BCAS3: variants seen among roughly 807,000 people sequenced by gnomAD.
The protein encoded by BCAS3 is BCAS4/BCAS3 fusion.
Under a neutral mutation model 116.1 loss-of-function variants are expected in BCAS3, and 53 were observed. That is an observed-to-expected ratio of 0.46 (90% CI 0.37 to 0.57). The LOEUF (loss-of-function observed/expected upper bound fraction) is 0.57. Among genes scored for constraint, BCAS3 ranks in the 20% least tolerant of loss-of-function variants. The probability of loss-of-function intolerance (pLI) is 0.00; values close to 1 mark genes in which losing one functional copy is unlikely to be tolerated. For synonymous variants in BCAS3, 391 were observed against 408.2 expected, an observed-to-expected ratio of 0.96 and a Z score of 0.51; for missense variants, 917 against 1,165.4, an observed-to-expected ratio of 0.79 and a Z score of 3.10.
chr17:61,338,901 A>G (rs1188248857), intron 22 of BCAS3, among the ~76,000 whole-genome samples: 6 of 121,910 alleles, frequency 4.9e-5, no homozygotes, highest in African/African-American at 2.1e-4. Flanking sequence ...AAAAAAAAAA[A>G]AAAAAAAAAA....
rs1334554373 is a variant in BCAS3, at chr17:61,040,900, G to A, written c.2029+8G>A. 1.2e-6 allele frequency: 2 copies of A among 1,609,056 alleles called. No individual in the cohort carries two copies. The highest frequency in any genetic ancestry group is 1.7e-6 in the Non-Finnish European group (2 of 1,176,522). Reference sequence around the variant, plus strand: ...AGTTCCTGCTTGCTGGCCGTAAGTAGTTCAGATTTTTTTTTTCCTTTCGTA... The same window carrying A: ...AGTTCCTGCTTGCTGGCCGTAAGTAATTCAGATTTTTTTTTTCCTTTCGTA... On this transcript the variant is annotated splice_region_variant and intron_variant, in intron 19 of 23. Transcript: ENST00000407086.
chr17:60,770,834 G>GGTTTTTTTTTTTTTTTTTTTTTTTTTTTT (rs1568213393), intron 6 of BCAS3, among the ~76,000 whole-genome samples: 1 of 76,728 alleles, frequency 1.3e-5, no homozygotes, highest in Non-Finnish European at 3.3e-5. Context: ...ACTGAAATTT[G>GGTTTTTTTTTTTTTTTTTTTTTTTTTTTT]TTTTTTTTTT....
Position 61,281,819 on chromosome 17 carries a change from A to G in BCAS3, c.2426-86508A>G, listed in dbSNP as rs1246000631. Reference sequence around the variant, plus strand: ...TTTATCAATAATTTCTGGGGTTTGTATCATATTAAGTATAGCTTTCTCATT... The same window carrying G: ...TTTATCAATAATTTCTGGGGTTTGTGTCATATTAAGTATAGCTTTCTCATT... On this transcript the variant is annotated intron_variant, in intron 22 of 23. Coordinates refer to ENST00000407086, the MANE Select transcript of BCAS3 (RefSeq NM_017679.5). The surrounding 1 kb of genome is among the most constrained non-coding windows in gnomAD (Gnocchi z 4.2). 6.6e-6 allele frequency among the ~76,000 whole-genome samples: 1 copy of G among 152,136 alleles called. No individual in the cohort carries two copies. The highest frequency in any genetic ancestry group is 2.1e-4 in the South Asian group (1 of 4,834).
At position 60,993,815 on chromosome 17, in the gene BCAS3, G is replaced by A. The variant is rs545405468; in HGVS notation, c.1486+3580G>A. Among the ~76,000 whole-genome samples, 21 of 152,182 alleles carry A rather than the reference G, an allele frequency of 1.4e-4. No homozygotes were observed. The highest frequency in any genetic ancestry group is 4.6e-4 in the African/African-American group (19 of 41,544). On this transcript the variant is annotated intron_variant, in intron 15 of 23. Transcript: ENST00000407086. This position sits in a 1 kb window ranked among gnomAD's most constrained non-coding sequence, Gnocchi z 4.2. ...AAACTGTTAAATAACAGTTGATATAGGGGTATTTCCTTTTTACTCTTTGGA... is the reference window on the plus strand; with the variant it reads ...AAACTGTTAAATAACAGTTGATATAAGGGTATTTCCTTTTTACTCTTTGGA...
rs2073195048 is a variant in BCAS3, at chr17:61,087,682, GC to G, written c.2425+3120del. Among the ~76,000 whole-genome samples, 1 of 152,092 alleles carries G rather than the reference GC, an allele frequency of 6.6e-6. No individual in the cohort carries two copies. Among genetic ancestry groups the G allele is most frequent in the Admixed American group, 6.5e-5 (1 of 15,270 alleles). On this transcript the variant is annotated intron_variant, in intron 22 of 23. Coordinates refer to ENST00000407086, the MANE Select transcript of BCAS3 (RefSeq NM_017679.5). The surrounding 1 kb of genome is among the most constrained non-coding windows in gnomAD (Gnocchi z 4.6). Reference sequence around the variant, plus strand: ...TCATGCTTTTGCAAAGAAACACATTGCCTAAAATACATATTTTTAAATTATT... The same window carrying G: ...TCATGCTTTTGCAAAGAAACACATTGCTAAAATACATATTTTTAAATTATT...
intron 5 of BCAS3, among the ~76,000 whole-genome samples, chr17:60,729,652 C>T (rs1333832204): frequency 6.6e-6 from 1 of 152,138 alleles, no homozygotes; most frequent in African/African-American, 2.4e-5. Flanking sequence ...GCAAATCTAT[C>T]TTCTTTAATC....
In BCAS3 at chr17:61,307,723, AT is replaced by A. The variant is rs894159989; in HGVS notation, c.2426-60602del. Among the ~76,000 whole-genome samples the A allele has an allele frequency of 1.3e-5, 2 of 152,270 alleles. No individual in the cohort carries two copies. Among genetic ancestry groups the A allele is most frequent in the East Asian group, 1.9e-4 (1 of 5,202 alleles). On this transcript the variant is annotated intron_variant, in intron 22 of 23. Coordinates refer to ENST00000407086, the MANE Select transcript of BCAS3 (RefSeq NM_017679.5). This position sits in a 1 kb window ranked among gnomAD's most constrained non-coding sequence, Gnocchi z 4.7. ...TCCCAAGTGTTCTAGAAAGGGTTAC[AT>A]TCCTGAGTAGGGTCTTAATGGCCAG...
At chr17:61,050,903 A>G (rs1397609360) in intron 19 of BCAS3, among the ~76,000 whole-genome samples, 3 of 152,044 alleles carry the variant, frequency 2.0e-5, no homozygotes. Context: ...CAGTAAATTT[A>G]AAAGGTTTCA....
rs190788239 is a variant in BCAS3 at position 61,171,653 on chromosome 17, G to A, written c.2425+87089G>A. 2.2e-3 allele frequency among the ~76,000 whole-genome samples: 334 copies of A among 151,530 alleles called. No individual in the cohort carries two copies. Among genetic ancestry groups the A allele is most frequent in the South Asian group, 9.0e-3 (43 of 4,798 alleles). Reference sequence around the variant, plus strand: ...TATTTTATTTTTTTTTTGAAACAGCGTCTGTTGCCAAGGCTGATATGCAGT... The same window carrying A: ...TATTTTATTTTTTTTTTGAAACAGCATCTGTTGCCAAGGCTGATATGCAGT... On this transcript the variant is annotated intron_variant, in intron 22 of 23. Transcript: ENST00000407086. The surrounding 1 kb of genome is among the most constrained non-coding windows in gnomAD (Gnocchi z 4.1).
chr17:61,225,428 A>T (rs1296276239), intron 22 of BCAS3, among the ~76,000 whole-genome samples: 1 of 152,132 alleles, frequency 6.6e-6, no homozygotes, highest in Non-Finnish European at 1.5e-5. Flanking sequence ...CCCTCCAAAG[A>T]TTCACAGTAT....
chr17:61,065,478 T>C lies in BCAS3; in HGVS notation c.2030-9442T>C, dbSNP rs1250912978. ...TGAGGTTTGTCCTTGGGAGAGAGTT[T>C]ATCACTGTTGGCCTTTGGGTGAACT... On this transcript the variant is annotated intron_variant, in intron 19 of 23. Transcript: ENST00000407086. This position sits in a 1 kb window ranked among gnomAD's most constrained non-coding sequence, Gnocchi z 4.8. Among the ~76,000 whole-genome samples, 3 of 152,198 alleles carry C rather than the reference T, an allele frequency of 2.0e-5. No individual in the cohort carries two copies. Among genetic ancestry groups the C allele is most frequent in the Non-Finnish European group, 4.4e-5 (3 of 68,028 alleles).
chr17:60,825,494 AAAT>A (rs775474149), intron 7 of BCAS3, among the ~76,000 whole-genome samples: 3 of 147,328 alleles, frequency 2.0e-5, no homozygotes, highest in African/African-American at 7.4e-5. Flanking sequence ...GGTAATTTAT[AAAT>A]AATAATTATT....
intron 22 of BCAS3, among the ~76,000 whole-genome samples, chr17:61,155,553 T>G (rs1266451193): frequency 1.5e-4 from 23 of 151,096 alleles, no homozygotes. Flanking sequence ...CACCCAGAGC[T>G]GCTCTCTCTA....
rs934940176 is a variant in BCAS3, at chr17:61,219,539, G to A, written c.2425+134975G>A. ...TACCTTCTTGCTCATAGTATTGACAGTACCACTGAATTGCTTGAGGCAGAT... is the reference window on the plus strand; with the variant it reads ...TACCTTCTTGCTCATAGTATTGACAATACCACTGAATTGCTTGAGGCAGAT... On this transcript the variant is annotated intron_variant, in intron 22 of 23. Coordinates refer to ENST00000407086, the MANE Select transcript of BCAS3 (RefSeq NM_017679.5). The surrounding 1 kb of genome is among the most constrained non-coding windows in gnomAD (Gnocchi z 5.2). Among the ~76,000 whole-genome samples, 1 of 152,192 alleles carries A rather than the reference G, an allele frequency of 6.6e-6. No homozygotes were observed. Among genetic ancestry groups the A allele is most frequent in the African/African-American group, 2.4e-5 (1 of 41,454 alleles).
chr17:61,069,866 A>T, intron 19 of BCAS3: 1 of 959,928 alleles, frequency 1.0e-6, no homozygotes, highest in Non-Finnish European at 1.6e-6. Context: ...GACCCTTTTC[A>T]CAAGATGGCG....
chr17:61,385,992 G>A (rs1034694418), intron 23 of BCAS3, among the ~76,000 whole-genome samples: 1 of 152,204 alleles, frequency 6.6e-6, no homozygotes. Context: ...GAGGGAGGCT[G>A]GAGAGGGACC....
intron 5 of BCAS3, among the ~76,000 whole-genome samples, chr17:60,740,611 A>G (rs1029535389): frequency 6.6e-6 from 1 of 151,964 alleles, no homozygotes; most frequent in Non-Finnish European, 1.5e-5. Context: ...GGGGAGGGAA[A>G]CCATTCTACA....
chr17:60,918,897 G>A (rs56235354), intron 12 of BCAS3, among the ~76,000 whole-genome samples: 7,099 of 152,056 alleles, frequency 0.047, 526 homozygotes, highest in African/African-American at 0.16. Context: ...GTTTCACCAT[G>A]TTAGCCAGGA....
chr17:60,721,286 TG>T (rs2144094467), intron 5 of BCAS3, among the ~76,000 whole-genome samples: 1 of 152,268 alleles, frequency 6.6e-6, no homozygotes, highest in South Asian at 2.1e-4. Flanking sequence ...TTTTGTTTGG[TG>T]CATTCTCTTC....
Sources: allele counts gnomAD v4.1 joint callset (sites outside exome capture counted in the v4.1 genomes callset), GRCh38; gene constraint gnomAD v4.1.1; non-coding constraint Gnocchi (gnomAD v3.1); transcripts MANE v1.5; gene names NCBI Gene and HGNC (gene_info 2026-07-23, HGNC 2026-07-21).